The following UBR3 variants were observed in gnomAD, a reference collection of about 807,000 sequenced individuals.
UBR3 encodes the protein E3 ubiquitin-protein ligase UBR3.
Under a neutral mutation model 243.2 loss-of-function variants are expected in UBR3, and 85 were observed. The observed-to-expected ratio is 0.35, with a 90% CI of 0.29 to 0.42. UBR3 has a LOEUF of 0.42. Among genes scored for constraint, UBR3 ranks in the 10% least tolerant of loss-of-function variants. The pLI is 1.00. For missense variants in UBR3, 1,686 were observed against 2,300.8 expected (o/e 0.73, Z 5.47); for synonymous variants, 748 against 799.8 (o/e 0.94, Z 1.09).
rs189578192 is a variant in UBR3, at chr2:169,879,150, T to C, written c.1038+576T>C. ...TTTCTATATTTTATTACATAATTTATAAGAGAAAAATTGCTGTTATATTTG... is the reference window on the plus strand; with the variant it reads ...TTTCTATATTTTATTACATAATTTACAAGAGAAAAATTGCTGTTATATTTG... On this transcript the variant is annotated intron_variant, in intron 5 of 38. Transcript: ENST00000272793. Among the ~76,000 whole-genome samples the C allele has an allele frequency of 2.3e-3, 353 of 151,064 alleles. 2 individuals carry two copies. Among genetic ancestry groups the C allele is most frequent in the African/African-American group, 8.3e-3 (342 of 41,172 alleles).
rs773598494 is a variant in UBR3, at chr2:169,852,883, A to AC, written c.546-19351dup. Among the ~76,000 whole-genome samples the AC allele has an allele frequency of 4.3e-3, 255 of 59,802 alleles. 19 individuals are homozygous for AC. Among genetic ancestry groups the AC allele is most frequent in the Non-Finnish European group, 0.01 (175 of 17,438 alleles). 39.2% of individuals were successfully genotyped at this position (59,802 alleles called of 152,430 possible). A position where few individuals can be genotyped will look rare whatever the true frequency, so the allele number is the denominator to read the frequency against. ...AAAAAAAAAAAAAAAAAAAAACAAAACCAAACAAATTGAGTCCTTTAAGAG... is the reference window on the plus strand; with the variant it reads ...AAAAAAAAAAAAAAAAAAAAACAAAACCCAAACAAATTGAGTCCTTTAAGAG... On this transcript the variant is annotated intron_variant, in intron 1 of 38. Coordinates refer to ENST00000272793, the MANE Select transcript of UBR3 (RefSeq NM_172070.4).
At chr2:169,911,951 T>C (rs753489030) in intron 10 of UBR3, among the ~76,000 whole-genome samples, 1 of 152,124 alleles carries the variant, frequency 6.6e-6, no homozygotes, top group Non-Finnish European at 1.5e-5. Flanking sequence ...AGAATGTTAG[T>C]AAGGTGACCA....
At chr2:169,838,387 T>TTGTGTGTGTGTGTG (rs544974959) in intron 1 of UBR3, among the ~76,000 whole-genome samples, 2 of 114,390 alleles carry the variant, frequency 1.7e-5, no homozygotes, top group Non-Finnish European at 3.8e-5. Context: ...ATTAAGGCAT[T>TTGTGTGTGTGTGTG]TGTGTGTGTG....
chr2:169,930,168 G>A (rs1313318180), intron 18 of UBR3, among the ~76,000 whole-genome samples: 1 of 152,092 alleles, frequency 6.6e-6, no homozygotes, highest in African/African-American at 2.4e-5. Context: ...TAAGAATGCA[G>A]GCCCCTGTGT....
At chr2:169,908,045 T>C (rs913530394) in intron 10 of UBR3, among the ~76,000 whole-genome samples, 1 of 152,206 alleles carries the variant, frequency 6.6e-6, no homozygotes, top group African/African-American at 2.4e-5. Flanking sequence ...CATCTTCTTA[T>C]ACCCCCTCTC....
chr2:169,906,633 C>T (rs562947014), intron 10 of UBR3, among the ~76,000 whole-genome samples: 4 of 152,080 alleles, frequency 2.6e-5, no homozygotes, highest in Non-Finnish European at 5.9e-5. Flanking sequence ...ATCCCCTGAC[C>T]CTATTAAACT....
chr2:169,878,629 CTTT>C (rs1433302606), intron 5 of UBR3, 55 bp downstream of exon 5: 32 of 1,422,100 alleles, frequency 2.3e-5, no homozygotes, highest in East Asian at 2.2e-4. Flanking sequence ...CTTTTTTATA[CTTT>C]TTTATTATTT....
intron 8 of UBR3, among the ~76,000 whole-genome samples, chr2:169,899,607 C>CA (rs1249412335): frequency 6.6e-6 from 1 of 152,108 alleles, no homozygotes; most frequent in East Asian, 1.9e-4. Flanking sequence ...TTGCTGCACC[C>CA]ATCAACCTGT....
At chr2:170,060,122 C>T (rs1013578011) in intron 33 of UBR3, among the ~76,000 whole-genome samples, 2 of 152,100 alleles carry the variant, frequency 1.3e-5, no homozygotes, top group Admixed American at 6.5e-5. Flanking sequence ...GTGTTTATCC[C>T]TTCCTATATT....
intron 26 of UBR3, among the ~76,000 whole-genome samples, chr2:169,996,693 GTTTTTTT>G (rs397871702): frequency 1.1e-4 from 7 of 64,480 alleles, no homozygotes; most frequent in African/African-American, 2.5e-4. Flanking sequence ...TTGGACTTTT[GTTTTTTT>G]TTTTTTTTTT....
intron 35 of UBR3, among the ~76,000 whole-genome samples, chr2:170,067,551 T>A (rs1463270027): frequency 6.6e-6 from 1 of 152,100 alleles, no homozygotes; most frequent in Non-Finnish European, 1.5e-5. Flanking sequence ...GCAGAATATA[T>A]ATTATATATA....
At chr2:170,028,006 G>T (rs2090575259) in intron 30 of UBR3, among the ~76,000 whole-genome samples, 1 of 151,850 alleles carries the variant, frequency 6.6e-6, no homozygotes, top group African/African-American at 2.4e-5. Flanking sequence ...GTAACATAAT[G>T]CCTGGCACGT....
chr2:169,908,117 T>C (rs1386359495), intron 10 of UBR3, among the ~76,000 whole-genome samples: 5 of 152,256 alleles, frequency 3.3e-5, no homozygotes, highest in African/African-American at 4.8e-5. Flanking sequence ...TCTTGATTCC[T>C]GTGCTTTTGT....
intron 32 of UBR3, among the ~76,000 whole-genome samples, chr2:170,047,099 GTCC>G (rs1474711332): frequency 6.6e-6 from 1 of 152,068 alleles, no homozygotes; most frequent in Non-Finnish European, 1.5e-5. Context: ...GGCTCAAGCA[GTCC>G]TCCTGCCTCA....
intron 11 of UBR3, among the ~76,000 whole-genome samples, chr2:169,918,174 C>T (rs1003771336): frequency 6.6e-6 from 1 of 152,156 alleles, no homozygotes; most frequent in Non-Finnish European, 1.5e-5. Context: ...AATGTTTTAA[C>T]TGTATTGGTT....
chr2:169,988,501 A>T (rs572250867), intron 25 of UBR3, among the ~76,000 whole-genome samples: 22 of 152,288 alleles, frequency 1.4e-4, no homozygotes, highest in African/African-American at 5.1e-4. Context: ...AGATAGAAGG[A>T]AAAAAATAAG....
At chr2:170,056,003 C>CTTTTTTTTT (rs34415442) in intron 33 of UBR3, among the ~76,000 whole-genome samples, 149 of 88,906 alleles carry the variant, frequency 1.7e-3, no homozygotes, top group African/African-American at 1.8e-3. Context: ...TCTTTTCTTT[C>CTTTTTTTTT]TTTTTTTTTT....
At chr2:169,953,344 C>T (rs1321185919) in intron 23 of UBR3, among the ~76,000 whole-genome samples, 1 of 152,164 alleles carries the variant, frequency 6.6e-6, no homozygotes, top group Non-Finnish European at 1.5e-5. Context: ...AAAGGCAGAA[C>T]AGTTCATAAA....
intron 30 of UBR3, among the ~76,000 whole-genome samples, chr2:170,025,084 T>C (rs1307681742): frequency 6.6e-6 from 1 of 152,184 alleles, no homozygotes; most frequent in Admixed American, 6.5e-5. Flanking sequence ...TATGCTTATA[T>C]TTATGATTTT....
Sources: gnomAD v4.1 joint callset for allele counts (sites outside exome capture counted in the v4.1 genomes callset) on GRCh38, gnomAD v4.1.1 for gene constraint, MANE v1.5 for transcripts, NCBI Gene and HGNC (gene_info 2026-07-23, HGNC 2026-07-21) for gene names.